The following PCDHA10 variants were observed in gnomAD, a reference collection of about 807,000 sequenced individuals.
PCDHA10 encodes protocadherin alpha 10.
PCDHA10 carries 45 observed loss-of-function variants against 61.2 expected under a neutral mutation model. The observed-to-expected ratio is 0.74, with a 90% confidence interval of 0.58 to 0.94. PCDHA10 has a LOEUF of 0.94. Among genes scored for constraint, PCDHA10 ranks in the 40% least tolerant of loss-of-function variants. The pLI, the probability that PCDHA10 is intolerant of heterozygous loss-of-function variation, is 0.00. For synonymous variants in PCDHA10, 602 were observed against 548.8 expected (o/e 1.10, Z -1.35); for missense variants, 1,278 against 1,236.2 (o/e 1.03, Z -0.51).
chr5:140,886,189 G>A (rs2060889525), intron 1 of PCDHA10, among the ~76,000 whole-genome samples: 1 of 152,090 alleles, frequency 6.6e-6, no homozygotes. Context: ...ATGCTGGCAA[G>A]CAGTAATCTG....
At chr5:140,927,343 G>T (rs2084109180) in intron 1 of PCDHA10, 2 of 1,614,016 alleles carry the variant, frequency 1.2e-6, no homozygotes, top group East Asian at 4.5e-5. Flanking sequence ...TGCCCAAGAT[G>T]ACGACGAGGG....
chr5:141,002,039 C>G (rs1198304632), intron 3 of PCDHA10, among the ~76,000 whole-genome samples: 1 of 152,216 alleles, frequency 6.6e-6, no homozygotes, highest in Non-Finnish European at 1.5e-5. Flanking sequence ...TGACTCTTTC[C>G]TGGGCATCCA....
intron 3 of PCDHA10, among the ~76,000 whole-genome samples, chr5:140,995,389 G>T (rs1377788418): frequency 6.6e-6 from 1 of 152,190 alleles, no homozygotes; most frequent in Non-Finnish European, 1.5e-5. Context: ...GCAGGATAAA[G>T]CGGGATGGCT....
intron 2 of PCDHA10, chr5:140,982,235 T>C (rs782570505): frequency 2.6e-5 from 17 of 646,792 alleles, no homozygotes; most frequent in Non-Finnish European, 3.9e-5. Flanking sequence ...AAAAACAGAA[T>C]TGCCATAAAG....
intron 1 of PCDHA10, among the ~76,000 whole-genome samples, chr5:140,964,239 GTTGGC>G (rs2095819198): frequency 6.6e-6 from 1 of 152,180 alleles, no homozygotes; most frequent in African/African-American, 2.4e-5. Context: ...GGCTGATTGT[GTTGGC>G]TTTATATTTG....
chr5:140,877,699 A>G (rs1554169995), intron 1 of PCDHA10: 2 of 1,613,896 alleles, frequency 1.2e-6, no homozygotes, highest in Middle Eastern at 1.7e-4. Flanking sequence ...GGTGTGCTCC[A>G]GCGCCGTGGG....
chr5:140,939,634 G>T (rs1032922800), intron 1 of PCDHA10, among the ~76,000 whole-genome samples: 12 of 152,184 alleles, frequency 7.9e-5, no homozygotes, highest in South Asian at 4.1e-4. Flanking sequence ...AATCAATAAG[G>T]GTACTGAAAA....
At chr5:140,928,282 C>G in intron 1 of PCDHA10, 1 of 1,614,166 alleles carries the variant, frequency 6.2e-7, no homozygotes, top group Non-Finnish European at 8.5e-7. Flanking sequence ...TGGGGCCTCT[C>G]TAGGCCGAGT....
At chr5:140,969,610 GA>G in intron 1 of PCDHA10, 1 of 723,542 alleles carries the variant, frequency 1.4e-6, no homozygotes, top group East Asian at 2.8e-5. Context: ...CTAAAACACA[GA>G]TTTGTAGAGA....
chr5:141,007,416 AAATT>A (rs2098327486), intron 3 of PCDHA10, among the ~76,000 whole-genome samples: 1 of 149,348 alleles, frequency 6.7e-6, no homozygotes, highest in Non-Finnish European at 1.5e-5. Context: ...AAAAAAAAAA[AAATT>A]AGCCAGGCAT....
At chr5:140,924,992 G>T (rs1383717650) in intron 1 of PCDHA10, among the ~76,000 whole-genome samples, 3 of 151,676 alleles carry the variant, frequency 2.0e-5, no homozygotes, top group African/African-American at 7.3e-5. Context: ...TGTAATCCTA[G>T]CACTTTAGGA....
At chr5:140,899,884 T>C (rs1467670856) in intron 1 of PCDHA10, among the ~76,000 whole-genome samples, 17 of 152,152 alleles carry the variant, frequency 1.1e-4, no homozygotes, top group African/African-American at 3.9e-4. Flanking sequence ...CAGAACTCAG[T>C]GCAGCCTTGA....
chr5:140,989,552 G>A (rs975079697), intron 3 of PCDHA10, among the ~76,000 whole-genome samples: 33 of 152,180 alleles, frequency 2.2e-4, no homozygotes, highest in African/African-American at 7.7e-4. Context: ...ATTCCTTTAC[G>A]TTTTGTGGCT....
Position 140,897,056 on chromosome 5 carries a change from T to C in PCDHA10, c.2388+38620T>C, listed in dbSNP as rs147544543. Among the ~76,000 whole-genome samples the C allele has an allele frequency of 2.6e-3, 395 of 152,288 alleles. 2 individuals carry two copies. The highest frequency in any genetic ancestry group is 9.2e-3 in the African/African-American group (384 of 41,556). ...ATAGTCACCCTATTCTGCTGTCAAA[T>C]ACTATGTCTTATTCATTTTTTCTAT... On this transcript the variant is annotated intron_variant, in intron 1 of 3. Coordinates refer to ENST00000307360, the MANE Select transcript of PCDHA10 (RefSeq NM_018901.4).
Position 140,950,516 on chromosome 5 carries a change from G to A in PCDHA10, c.2389-28433G>A, listed in dbSNP as rs184772904. ...ATTTAAGTCATTATTCCCTGTGTGCGATATGATTGTTTTTGTTGCTCTTGC... is the reference window on the plus strand; with the variant it reads ...ATTTAAGTCATTATTCCCTGTGTGCAATATGATTGTTTTTGTTGCTCTTGC... On this transcript the variant is annotated intron_variant, in intron 1 of 3. Coordinates refer to ENST00000307360, the MANE Select transcript of PCDHA10 (RefSeq NM_018901.4). Among the ~76,000 whole-genome samples, 6 of 152,110 alleles carry A rather than the reference G, an allele frequency of 3.9e-5. No individual in the cohort carries two copies. The East Asian group carries it at 9.6e-4, about 24-fold the overall frequency.
chr5:140,904,189 C>G (rs1436545458), intron 1 of PCDHA10, among the ~76,000 whole-genome samples: 1 of 151,968 alleles, frequency 6.6e-6, no homozygotes, highest in Non-Finnish European at 1.5e-5. Context: ...CCCCTTCCCA[C>G]CCTTTCCCCC....
intron 1 of PCDHA10, chr5:140,865,436 C>T (rs544302848): frequency 5.3e-5 from 8 of 152,322 alleles, no homozygotes; most frequent in Admixed American, 5.2e-4. Context: ...AGAAAAATAA[C>T]TTCTGAGAAG....
intron 1 of PCDHA10, chr5:140,871,327 C>A: frequency 6.2e-7 from 1 of 1,614,102 alleles, no homozygotes; most frequent in Non-Finnish European, 8.5e-7. Flanking sequence ...GGTGTGCTCC[C>A]GCGCGGTGGG....
chr5:140,884,125 C>T (rs1554181246), intron 1 of PCDHA10: 1 of 1,613,416 alleles, frequency 6.2e-7, no homozygotes, highest in Admixed American at 1.7e-5. Context: ...TCGGCGCGCG[C>T]ATCCCGTTCC....
Sources: allele counts gnomAD v4.1 joint callset (sites outside exome capture counted in the v4.1 genomes callset), GRCh38; gene constraint gnomAD v4.1.1; transcripts MANE v1.5; gene names NCBI Gene and HGNC (gene_info 2026-07-23, HGNC 2026-07-21).